Variants in LUZP2 observed in about 807,000 individuals in gnomAD.
The protein encoded by LUZP2 is leucine zipper protein 2.
In LUZP2, 52 loss-of-function variants were observed where a neutral mutation model predicts 51.6. The ratio of observed to expected loss-of-function variants is 1.01; its 90% confidence interval spans 0.81 to 1.27. The LOEUF is 1.27. Among genes scored for constraint, LUZP2 ranks in the 50% most tolerant of loss-of-function variants. The pLI is 0.00. For missense variants in LUZP2, 436 were observed against 395.4 expected, an observed-to-expected ratio of 1.10 and a Z score of -0.87; for synonymous variants, 154 against 137.3, an observed-to-expected ratio of 1.12 and a Z score of -0.85.
In LUZP2 at chr11:24,635,313, GATCTT is replaced by G. The variant is rs373727074; in HGVS notation, c.63-93850_63-93846del. ...CATTACCAAAAAAATGCAAACACTT[GATCTT>G]ATCTTGACATTAAAATGATAAAAAT... On this transcript the variant is annotated intron_variant, in intron 1 of 11. Transcript: ENST00000336930. Among the ~76,000 whole-genome samples, 38 of 151,976 alleles carry G rather than the reference GATCTT, an allele frequency of 2.5e-4. No individual in the cohort carries two copies. In the East Asian group the frequency reaches 6.6e-3, roughly 26 times the overall value.
intron 3 of LUZP2, among the ~76,000 whole-genome samples, chr11:24,737,205 G>A (rs74902910): frequency 0.011 from 1,709 of 152,078 alleles, 29 homozygotes; most frequent in African/African-American, 0.039. Flanking sequence ...ACGTTCTGTC[G>A]TCTTAATATG....
chr11:24,860,568 A>T (rs1271156862), intron 5 of LUZP2, among the ~76,000 whole-genome samples: 1 of 152,166 alleles, frequency 6.6e-6, no homozygotes, highest in African/African-American at 2.4e-5. Flanking sequence ...CCTCAAGATC[A>T]GAGGTCTCAA....
intron 1 of LUZP2, among the ~76,000 whole-genome samples, chr11:24,584,961 T>C (rs1853009657): frequency 1.3e-5 from 2 of 152,198 alleles, no homozygotes; most frequent in Admixed American, 1.3e-4. Flanking sequence ...TCTAACTTCA[T>C]TCTTCTGAAA....
chr11:24,644,941 A>G lies in LUZP2; in HGVS notation c.63-84228A>G, dbSNP rs1042141611. 1.2e-4 allele frequency among the ~76,000 whole-genome samples: 18 copies of G among 152,320 alleles called. 1 individual carries two copies. In the Middle Eastern group the frequency reaches 0.017, roughly 144 times the overall value. On this transcript the variant is annotated intron_variant, in intron 1 of 11. Transcript: ENST00000336930. ...TGGGGAAAAAGTACAGCACGTATTT[A>G]TATTTACTAGGCTGAAGTTTCAGCA...
intron 9 of LUZP2, among the ~76,000 whole-genome samples, chr11:25,043,360 T>G (rs1360977506): frequency 1.3e-5 from 2 of 152,036 alleles, no homozygotes; most frequent in African/African-American, 4.8e-5. Flanking sequence ...AATCCACACC[T>G]CCCTAGAGTA....
At chr11:24,664,105 G>T (rs1856126744) in intron 1 of LUZP2, among the ~76,000 whole-genome samples, 1 of 152,174 alleles carries the variant, frequency 6.6e-6, no homozygotes, top group South Asian at 2.1e-4. Context: ...AACAGACAGA[G>T]ATTGGAAGAG....
At chr11:24,607,341 CTT>C (rs57741208) in intron 1 of LUZP2, among the ~76,000 whole-genome samples, 470 of 63,246 alleles carry the variant, frequency 7.4e-3, no homozygotes, top group East Asian at 0.034. Context: ...GATATTATGT[CTT>C]TTTTTTTTTT....
intron 1 of LUZP2, among the ~76,000 whole-genome samples, chr11:24,681,804 T>C (rs1224066965): frequency 6.6e-6 from 1 of 152,206 alleles, no homozygotes; most frequent in African/African-American, 2.4e-5. Context: ...ATACACTATT[T>C]ACATTAGTTC....
intron 1 of LUZP2, among the ~76,000 whole-genome samples, chr11:24,596,253 AC>A (rs1853441810): frequency 6.6e-6 from 1 of 152,226 alleles, no homozygotes; most frequent in African/African-American, 2.4e-5. Context: ...ACAATACAGT[AC>A]TTTTAAAACT....
At chr11:24,954,917 G>A (rs759773287) in intron 7 of LUZP2, among the ~76,000 whole-genome samples, 7 of 152,002 alleles carry the variant, frequency 4.6e-5, no homozygotes, top group African/African-American at 1.2e-4. Flanking sequence ...GAGTAGGAAC[G>A]GACCAGAAAG....
intron 5 of LUZP2, among the ~76,000 whole-genome samples, chr11:24,790,425 T>C (rs946805272): frequency 6.6e-6 from 1 of 152,180 alleles, no homozygotes; most frequent in African/African-American, 2.4e-5. Context: ...TACTTGTCTT[T>C]CATAACTCCA....
chr11:24,918,776 T>C (rs1396504381), intron 7 of LUZP2, among the ~76,000 whole-genome samples: 1 of 148,488 alleles, frequency 6.7e-6, no homozygotes, highest in East Asian at 1.9e-4. Context: ...TTCTGTCTAT[T>C]TCCCTTTGTA....
At chr11:24,825,230 G>C (rs1057324613) in intron 5 of LUZP2, among the ~76,000 whole-genome samples, 3 of 152,154 alleles carry the variant, frequency 2.0e-5, no homozygotes, top group Non-Finnish European at 2.9e-5. Flanking sequence ...TAAAAAGGGT[G>C]TGAGAAAATG....
intron 5 of LUZP2, among the ~76,000 whole-genome samples, chr11:24,824,772 G>C (rs1382146645): frequency 6.6e-6 from 1 of 152,014 alleles, no homozygotes; most frequent in Non-Finnish European, 1.5e-5. Flanking sequence ...TAATGTGTGA[G>C]TTATGTGCTT....
intron 11 of LUZP2, among the ~76,000 whole-genome samples, chr11:25,078,003 C>T (rs987608336): frequency 2.6e-5 from 4 of 151,976 alleles, no homozygotes; most frequent in Non-Finnish European, 5.9e-5. Flanking sequence ...TCTCACAGAC[C>T]AGGAAACAAA....
At chr11:24,668,801 A>G (rs1425761490) in intron 1 of LUZP2, among the ~76,000 whole-genome samples, 1 of 152,170 alleles carries the variant, frequency 6.6e-6, no homozygotes, top group East Asian at 1.9e-4. Context: ...AAATATACAA[A>G]AAGTAGATTA....
intron 9 of LUZP2, among the ~76,000 whole-genome samples, chr11:25,026,848 T>A (rs1034824769): frequency 2.0e-5 from 3 of 149,152 alleles, no homozygotes; most frequent in Non-Finnish European, 4.4e-5. Context: ...TTCACCTTTT[T>A]ATTTTTTTTA....
rs552250328 is a variant in LUZP2, at chr11:25,015,611, T to C, written c.765+32318T>C. On this transcript the variant is annotated intron_variant, in intron 9 of 11. Coordinates refer to ENST00000336930, the MANE Select transcript of LUZP2 (RefSeq NM_001009909.4). ...CCCAATACAGATCTGTCAAATGGGT[T>C]TTCATGCTTGGACTGGAGTTACAGA... Among the ~76,000 whole-genome samples, 64 of 152,156 alleles carry C rather than the reference T, an allele frequency of 4.2e-4. No homozygotes were observed. The Middle Eastern group carries it at 0.01, about 24-fold the overall frequency.
chr11:24,858,175 T>G (rs1295567422), intron 5 of LUZP2, among the ~76,000 whole-genome samples: 1 of 152,160 alleles, frequency 6.6e-6, no homozygotes, highest in Admixed American at 6.5e-5. Context: ...GACTCATTCT[T>G]CAGGGGTAAT....
Sources: gnomAD v4.1 joint callset for allele counts (sites outside exome capture counted in the v4.1 genomes callset) on GRCh38, gnomAD v4.1.1 for gene constraint, MANE v1.5 for transcripts, NCBI Gene and HGNC (gene_info 2026-07-23, HGNC 2026-07-21) for gene names.